CLEC16A: variants seen among roughly 807,000 people sequenced by gnomAD.
CLEC16A encodes protein CLEC16A.
In CLEC16A, 51 loss-of-function variants were observed where a neutral mutation model predicts 109.5. The ratio of observed to expected loss-of-function variants is 0.47; its 90% CI spans 0.37 to 0.59. The LOEUF (loss-of-function observed/expected upper bound fraction) is 0.59. Among genes scored for constraint, CLEC16A ranks in the 20% least tolerant of loss-of-function variants. The probability of loss-of-function intolerance (pLI) is 0.00; values close to 1 mark genes in which losing one functional copy is unlikely to be tolerated. For synonymous variants in CLEC16A, 673 were observed against 564.2 expected, an observed-to-expected ratio of 1.19 and a Z score of -2.73; for missense variants, 1,339 against 1,394.0, an observed-to-expected ratio of 0.96 and a Z score of 0.63.
At chr16:10,970,809 C>T (rs1417426716) in intron 4 of CLEC16A, among the ~76,000 whole-genome samples, 4 of 152,192 alleles carry the variant, frequency 2.6e-5, no homozygotes, top group Non-Finnish European at 5.9e-5. Flanking sequence ...TGCAGTGGCA[C>T]GATCACATCT....
chr16:11,172,355 C>T (rs1254859464), intron 23 of CLEC16A, among the ~76,000 whole-genome samples: 2 of 152,148 alleles, frequency 1.3e-5, no homozygotes, highest in African/African-American at 4.8e-5. Flanking sequence ...GAGTGAGATG[C>T]CGATAGGAAA....
At chr16:11,056,589 T>C (rs894479555) in intron 18 of CLEC16A, 2 of 152,242 alleles carry the variant, frequency 1.3e-5, no homozygotes, top group Non-Finnish European at 2.9e-5. Context: ...CACGAGGTTT[T>C]ATTTGTCCCC....
intron 12 of CLEC16A, among the ~76,000 whole-genome samples, chr16:11,023,544 A>AT (rs796221885): frequency 2.1e-3 from 295 of 140,638 alleles, no homozygotes; most frequent in Middle Eastern, 7.6e-3. Flanking sequence ...TAAGATTTTC[A>AT]TTTTTTTTTT....
At chr16:11,048,853 C>T (rs79936347) in intron 17 of CLEC16A, among the ~76,000 whole-genome samples, 6 of 151,942 alleles carry the variant, frequency 3.9e-5, no homozygotes, top group Non-Finnish European at 8.8e-5. Context: ...CATCCCCCTG[C>T]AATGTCATTT....
In CLEC16A at chr16:11,120,988, A is replaced by C. The variant is rs183636991; in HGVS notation, c.2268+222A>C. Among the ~76,000 whole-genome samples the C allele has an allele frequency of 2.6e-4, 40 of 152,032 alleles. 1 individual carries two copies. The East Asian group carries it at 3.9e-3, about 15-fold the overall frequency. On this transcript the variant is annotated intron_variant, in intron 20 of 23. Coordinates refer to ENST00000409790, the MANE Select transcript of CLEC16A (RefSeq NM_015226.3). ...TTTGACCAAAACGCTCGATTCTTAC[A>C]CCTCCCCTCCACCAGAGATAATCTT...
chr16:11,108,374 G>C (rs1209051904), intron 19 of CLEC16A, among the ~76,000 whole-genome samples: 3 of 152,266 alleles, frequency 2.0e-5, no homozygotes, highest in Non-Finnish European at 4.4e-5. Context: ...TGCCAAGGCA[G>C]TCCAGGAGCA....
In CLEC16A at chr16:11,178,605, CGCTGTCCACGCCG is replaced by C; in HGVS notation, c.3082_3094del (p.Ser1028ProfsTer80). On this transcript the variant is annotated frameshift_variant, in exon 24 of 24. Coordinates refer to ENST00000409790, the MANE Select transcript of CLEC16A (RefSeq NM_015226.3). LOFTEE classifies it low-confidence loss of function (END_TRUNC). This position sits in a 1 kb window ranked among gnomAD's most constrained non-coding sequence, Gnocchi z 6.5. The stretch of plus-strand genomic sequence containing the variant: ...CTCCGCAGCCTCACCGGCATGCCCC[CGCTGTCCACGCCG>C]GCTGCCGCCTGCACAGAGCCCGTGG... The C allele has an allele frequency of 6.2e-7, 1 of 1,605,558 alleles. No individual in the cohort carries two copies. Among genetic ancestry groups the C allele is most frequent in the Non-Finnish European group, 8.5e-7 (1 of 1,178,484 alleles).
At chr16:11,114,886 G>T (rs1308163478) in intron 19 of CLEC16A, among the ~76,000 whole-genome samples, 3 of 152,238 alleles carry the variant, frequency 2.0e-5, no homozygotes, top group Non-Finnish European at 4.4e-5. Context: ...CCTCTGAAAA[G>T]CGAGAGCTCC....
chr16:11,051,452 G>C (rs1303219844), intron 17 of CLEC16A, 61 bp from the exon 18 acceptor site: 2 of 1,567,552 alleles, frequency 1.3e-6, no homozygotes, highest in Non-Finnish European at 1.7e-6. Context: ...AACCTCCCCC[G>C]GCCCCTTCCT....
intron 11 of CLEC16A, among the ~76,000 whole-genome samples, chr16:11,009,815 A>C (rs1036265752): frequency 6.6e-6 from 1 of 152,160 alleles, no homozygotes; most frequent in African/African-American, 2.4e-5. Context: ...TATTTCTACC[A>C]CTGCAGAATA....
Position 10,979,411 on chromosome 16 carries a change from A to G in CLEC16A, c.957+29A>G, listed in dbSNP as rs537619287. 26 of 1,606,350 alleles carry G rather than the reference A, an allele frequency of 1.6e-5. No homozygotes were observed. In the South Asian group the frequency reaches 2.0e-4, roughly 12 times the overall value. ...TGCTTGATCATTCACCAATGTCCCC[A>G]CTACATTTGGGGTCCCTTGGCGTGC... On this transcript the variant is annotated intron_variant, in intron 9 of 23. Coordinates refer to ENST00000409790, the MANE Select transcript of CLEC16A (RefSeq NM_015226.3).
intron 19 of CLEC16A, among the ~76,000 whole-genome samples, chr16:11,099,336 C>G (rs903399188): frequency 6.6e-6 from 1 of 152,230 alleles, no homozygotes; most frequent in South Asian, 2.1e-4. Context: ...TTGTGGCTGT[C>G]TAAATCTACA....
Position 11,038,428 on chromosome 16 carries a change from T to C in CLEC16A, c.1538-1326T>C, listed in dbSNP as rs182371238. 3.3e-5 allele frequency among the ~76,000 whole-genome samples: 5 copies of C among 152,340 alleles called. No homozygotes were observed. In the East Asian group the frequency reaches 9.7e-4, roughly 29 times the overall value. ...AGCAAAATATTTGTTTCTGTAAGTG[T>C]ATTTTTGAAGAGCCACGTCAGTTGA... On this transcript the variant is annotated intron_variant, in intron 13 of 23. Transcript: ENST00000409790.
At chr16:11,110,525 A>T (rs2051514033) in intron 19 of CLEC16A, among the ~76,000 whole-genome samples, 1 of 147,604 alleles carries the variant, frequency 6.8e-6, no homozygotes, top group South Asian at 2.2e-4. Flanking sequence ...CTCTGAAGAG[A>T]CTCATTTAGT....
At chr16:11,045,771 C>T (rs2047604804) in intron 16 of CLEC16A, among the ~76,000 whole-genome samples, 1 of 152,230 alleles carries the variant, frequency 6.6e-6, no homozygotes, top group Non-Finnish European at 1.5e-5. Context: ...GGCAACACTG[C>T]CATTTCCTTG....
At chr16:10,997,521 A>G (rs1470755796) in intron 10 of CLEC16A, among the ~76,000 whole-genome samples, 2 of 152,364 alleles carry the variant, frequency 1.3e-5, no homozygotes, top group South Asian at 2.1e-4. Flanking sequence ...TAAAATAAAC[A>G]TAAAATTCAC....
chr16:11,034,208 A>G (rs16957948), intron 13 of CLEC16A, among the ~76,000 whole-genome samples: 35,614 of 152,186 alleles, frequency 0.23, 6,279 homozygotes, highest in African/African-American at 0.5. Context: ...AACCAGAATT[A>G]GAAGTACATT....
intron 16 of CLEC16A, among the ~76,000 whole-genome samples, chr16:11,044,621 C>G (rs1336079968): frequency 1.3e-5 from 2 of 152,248 alleles, no homozygotes; most frequent in East Asian, 3.9e-4. Flanking sequence ...TCTTCAGGTT[C>G]CAGATGGTTT....
chr16:11,075,043 A>G (rs1206160945), intron 19 of CLEC16A, among the ~76,000 whole-genome samples: 1 of 152,124 alleles, frequency 6.6e-6, no homozygotes, highest in East Asian at 1.9e-4. Context: ...GTGAGTAATG[A>G]TTGCACCACT....
Sources: gnomAD v4.1 joint callset for allele counts (sites outside exome capture counted in the v4.1 genomes callset) on GRCh38, gnomAD v4.1.1 for gene constraint, Gnocchi (gnomAD v3.1) non-coding constraint, MANE v1.5 for transcripts, NCBI Gene and HGNC (gene_info 2026-07-23, HGNC 2026-07-21) for gene names.